The following SCART1 variants were observed in gnomAD, a reference collection of about 807,000 sequenced individuals.
SCART1 encodes scavenger receptor family member expressed on T cells 1, also known as scavenger receptor cysteine-rich domain-containing protein SCART1.
A neutral mutation model predicts 36.2 loss-of-function variants in SCART1; 62 were observed. That is an observed-to-expected ratio of 1.71 (90% CI 1.40 to 2.12). The LOEUF (loss-of-function observed/expected upper bound fraction) is 2.12, where lower values mean the gene tolerates loss of function less well. SCART1 is among the 30% of genes most tolerant of loss of function. The pLI is 0.00. For missense variants in SCART1, 1,041 were observed against 540.5 expected, an observed-to-expected ratio of 1.93 and a Z score of -9.18; for synonymous variants, 487 against 238.7, an observed-to-expected ratio of 2.04 and a Z score of -9.59.
At chr10:133,460,493 T>C (rs995107954) in intron 6 of SCART1, among the ~76,000 whole-genome samples, 11 of 144,560 alleles carry the variant, frequency 7.6e-5, no homozygotes, top group Admixed American at 4.2e-4. Context: ...TATATATTTA[T>C]ATATTTTAAA....
intron 6 of SCART1, among the ~76,000 whole-genome samples, chr10:133,461,824 A>T (rs1850705659): frequency 6.6e-6 from 1 of 152,198 alleles, no homozygotes; most frequent in South Asian, 2.1e-4. Context: ...AAAGCGGCGG[A>T]TGTTAGCCCT....
intron 6 of SCART1, among the ~76,000 whole-genome samples, chr10:133,460,581 G>C (rs1008512418): frequency 2.1e-5 from 3 of 142,298 alleles, no homozygotes; most frequent in Non-Finnish European, 4.5e-5. Flanking sequence ...TGTTGCCCAG[G>C]CTGGAGTGCA....
At chr10:133,465,003 C>A (rs778696123) in intron 7 of SCART1, 92 bp downstream of exon 7, 1 of 699,806 alleles carries the variant, frequency 1.4e-6, no homozygotes, top group South Asian at 1.5e-5. Context: ...ACAGGGGATG[C>A]CATTCAATCA....
chr10:133,466,694 G>C (rs1028861769), intron 10 of SCART1, among the ~76,000 whole-genome samples: 2 of 152,208 alleles, frequency 1.3e-5, no homozygotes, highest in African/African-American at 4.8e-5. Context: ...CAGGGGAAGG[G>C]GACATGTAGG....
chr10:133,456,719 G>C (rs111412749), intron 2 of SCART1, among the ~76,000 whole-genome samples, 165 bp downstream of exon 2: 2 of 152,102 alleles, frequency 1.3e-5, no homozygotes, highest in African/African-American at 4.8e-5. Flanking sequence ...CTCCTCTCTG[G>C]GCACCGGGGC....
chr10:133,464,329 G>T, intron 6 of SCART1: 1 of 312,220 alleles, frequency 3.2e-6, no homozygotes, highest in Admixed American at 6.2e-5. Context: ...GAACCTGGGC[G>T]TGCAGTGAAC....
chr10:133,468,666 T>C (rs1850788066), exon 12 of SCART1: 1 of 152,204 alleles, frequency 6.6e-6, no homozygotes, highest in African/African-American at 2.4e-5. Flanking sequence ...ATACCTAATT[T>C]GTTAAGGGTT....
intron 1 of SCART1, among the ~76,000 whole-genome samples, chr10:133,455,458 C>T (rs746277717): frequency 3.3e-5 from 5 of 152,000 alleles, no homozygotes; most frequent in African/African-American, 4.8e-5. Context: ...CTGCTCCTGA[C>T]TGCCATCGGG....
At chr10:133,454,184 C>T (rs565497007) in intron 1 of SCART1, 120 bp downstream of exon 1, 3 of 674,902 alleles carry the variant, frequency 4.4e-6, no homozygotes, top group South Asian at 3.2e-5. Flanking sequence ...CTCACTCAGC[C>T]CAGAGTGGGT....
chr10:133,464,945 T>G (rs1850745726), intron 7 of SCART1, 34 bp downstream of exon 7: 1 of 702,610 alleles, frequency 1.4e-6, no homozygotes, highest in Middle Eastern at 2.3e-4. Flanking sequence ...GCATTAGAGG[T>G]CTCTGGGGGT....
chr10:133,466,195 C>T (rs1457502407), intron 9 of SCART1, 40 bp from the exon 10 acceptor site: 11 of 693,784 alleles, frequency 1.6e-5, no homozygotes, highest in Non-Finnish European at 2.9e-5. Flanking sequence ...GTGCAGGTCC[C>T]CCCCACCACC....
chr10:133,465,036 A>AG (rs1850746922), intron 7 of SCART1, 70 bp from the exon 8 acceptor site: 1 of 701,052 alleles, frequency 1.4e-6, no homozygotes, highest in South Asian at 1.5e-5. Context: ...GGGGGTCACT[A>AG]GGATCCACAG....
chr10:133,458,917 G>A, intron 4 of SCART1, 104 bp from the exon 5 acceptor site: 1 of 621,278 alleles, frequency 1.6e-6, no homozygotes, highest in African/African-American at 1.8e-5. Flanking sequence ...ACCAAGGCTG[G>A]GCTCTGTGCC....
At position 133,459,984 on chromosome 10, in the gene SCART1, A is replaced by C. The variant is rs1028016120; in HGVS notation, c.1783A>C (p.Arg595=). 1.3e-5 allele frequency: 7 copies of C among 544,164 alleles called. No individual in the cohort carries two copies. In the East Asian group the frequency reaches 1.7e-4, roughly 13 times the overall value. The allele number at this position is 544,164 out of a possible 1,614,324, so 33.7% of individuals were successfully genotyped here. ...CCTGCGGGACGCGCACGTGGTCTGC[A>C]GGCAGCTGGGCTGTGGCCGCGCCCT... is the stretch of plus-strand genomic sequence containing the variant. Residue 595 remains arginine, a synonymous_variant, in exon 6 of 12, where the codon AGG becomes CGG. Coordinates refer to ENST00000640237, the Ensembl canonical transcript of SCART1.
intron 1 of SCART1, among the ~76,000 whole-genome samples, chr10:133,455,152 C>T (rs892758916): frequency 1.3e-4 from 20 of 151,980 alleles, no homozygotes; most frequent in South Asian, 6.2e-4. Flanking sequence ...CTATAATTCC[C>T]GCTACATGGG....
intron 10 of SCART1, 109 bp downstream of exon 10, chr10:133,466,490 C>A: frequency 1.6e-6 from 1 of 618,364 alleles, no homozygotes; most frequent in Non-Finnish European, 2.9e-6. Context: ...CCACAGCAGT[C>A]AGGCCTATGC....
At position 133,457,398 on chromosome 10, in the gene SCART1, GT is replaced by G; in HGVS notation, c.506del (p.Val169GlyfsTer79). On this transcript the variant is annotated frameshift_variant, in exon 3 of 12. Transcript: ENST00000640237. LOFTEE classifies it high-confidence loss of function. ...TGTCCTGCATGTGGAGGAGGCCATG[GT>G]GTTCTGCCGGGAGCTGGGGTGCGGC... 6 of 702,156 alleles carry G rather than the reference GT, an allele frequency of 8.5e-6. No homozygotes were observed. Among genetic ancestry groups the G allele is most frequent in the Non-Finnish European group, 1.6e-5 (6 of 384,900 alleles). The allele number at this position is 702,156 out of a possible 1,614,324, so 43.5% of individuals were successfully genotyped here. A position where few individuals can be genotyped will look rare whatever the true frequency, so the allele number is the denominator to read the frequency against.
At chr10:133,466,417 G>A in intron 10 of SCART1, 36 bp downstream of exon 10, 1 of 694,134 alleles carries the variant, frequency 1.4e-6, no homozygotes. Flanking sequence ...ATCAACTGGT[G>A]TGCAGGAGCA....
chr10:133,460,496 A>ATATATATATATATATT, intron 6 of SCART1, among the ~76,000 whole-genome samples: 1 of 136,014 alleles, frequency 7.4e-6, no homozygotes, highest in South Asian at 2.7e-4. Flanking sequence ...ATATTTATAT[A>ATATATATATATATATT]TTTTAAAAAA....
Sources: gnomAD v4.1 joint callset for allele counts (sites outside exome capture counted in the v4.1 genomes callset) on GRCh38, gnomAD v4.1.1 for gene constraint, MANE v1.5 for transcripts, NCBI Gene and HGNC (gene_info 2026-07-23, HGNC 2026-07-21) for gene names.